GALR1: variants seen among roughly 807,000 people sequenced by gnomAD.
GALR1 encodes the protein galanin receptor type 1.
Under a neutral mutation model 17.9 loss-of-function variants are expected in GALR1, and 11 were observed. The observed-to-expected ratio is 0.62, with a 90% CI of 0.39 to 1.02. GALR1 has a LOEUF of 1.02. GALR1 is among the 50% of genes least tolerant of loss of function. GALR1 has a pLI of 0.01. For synonymous variants in GALR1, 206 were observed against 205.7 expected (o/e 1.00, Z -0.01); for missense variants, 441 against 456.9 (o/e 0.97, Z 0.32).
At position 77,268,570 on chromosome 18, in the gene GALR1, C is replaced by T. The variant is rs1001091488; in HGVS notation, c.733-15C>T. On this transcript the variant is annotated splice_polypyrimidine_tract_variant and intron_variant, in intron 2 of 2. Coordinates refer to ENST00000299727, the MANE Select transcript of GALR1 (RefSeq NM_001480.4). ...TCCTCCTCCTCCTCCTCCTCCTCCT[C>T]TTCTTCTTTTCTAGACTGCACAGAC... is the stretch of plus-strand genomic sequence containing the variant. The T allele has an allele frequency of 2.5e-6, 4 of 1,592,320 alleles. No homozygotes were observed. Among genetic ancestry groups the T allele is most frequent in the African/African-American group, 1.3e-5 (1 of 74,360 alleles).
Position 77,271,824 on chromosome 18 carries a change from A to AGG in GALR1, c.*2922_*2923insGG, listed in dbSNP as rs1913070833. On this transcript the variant is annotated 3_prime_UTR_variant, in exon 3 of 3. Coordinates refer to ENST00000299727, the MANE Select transcript of GALR1 (RefSeq NM_001480.4). Reference sequence around the variant, plus strand: ...CAGGCTTTGGGATATTTAGTAGCTGAAATGCTTGCTGTTTCACATGCATAA... The same window carrying AGG: ...CAGGCTTTGGGATATTTAGTAGCTGAGGAATGCTTGCTGTTTCACATGCATAA... 1.3e-5 allele frequency: 2 copies of AGG among 152,188 alleles called. No homozygotes were observed. 9.4% of individuals were successfully genotyped at this position (152,188 alleles called of 1,614,324 possible).
rs1233394148 is a variant in GALR1 at position 77,258,455 on chromosome 18, ATGATGGTGGTGGTATTGGTGGTGG to A, written c.732+2245_732+2268del. Among the ~76,000 whole-genome samples the A allele has an allele frequency of 2.4e-4, 35 of 148,784 alleles. No homozygotes were observed. The East Asian group carries it at 5.6e-3, about 24-fold the overall frequency. On this transcript the variant is annotated intron_variant, in intron 2 of 2. Coordinates refer to ENST00000299727, the MANE Select transcript of GALR1 (RefSeq NM_001480.4). Reference sequence around the variant, plus strand: ...AATAAATGTGGTGGTGGTGGTGGTGATGATGGTGGTGGTATTGGTGGTGGTGATGGTGGTGGGTGGTAGTGGTGG... The same window carrying A: ...AATAAATGTGGTGGTGGTGGTGGTGATGATGGTGGTGGGTGGTAGTGGTGG...
chr18:77,267,771 C>G (rs927100337), intron 2 of GALR1, among the ~76,000 whole-genome samples: 1 of 152,310 alleles, frequency 6.6e-6, no homozygotes, highest in South Asian at 2.1e-4. Flanking sequence ...ATGTGTGGAA[C>G]AGACGAGGTT....
rs546570409 is a variant in GALR1, at chr18:77,276,243, A to T, written c.*7341A>T. 11 of 152,330 alleles carry T rather than the reference A, an allele frequency of 7.2e-5. No homozygotes were observed. Among genetic ancestry groups the T allele is most frequent in the African/African-American group, 9.6e-5 (4 of 41,588 alleles). The allele number at this position is 152,330 out of a possible 1,614,324, so 9.4% of individuals were successfully genotyped here. ...TTCTATCTGCCTAAGTGAGGAGAGT[A>T]GTTGTGGAGCATTGTAGAAAGGATA... On this transcript the variant is annotated 3_prime_UTR_variant, in exon 3 of 3. Transcript: ENST00000299727.
intron 2 of GALR1, among the ~76,000 whole-genome samples, chr18:77,260,380 A>T (rs1041689241): frequency 4.6e-5 from 7 of 151,928 alleles, no homozygotes; most frequent in African/African-American, 1.7e-4. Flanking sequence ...AAAGGGCACT[A>T]GTCTCTGTGT....
In GALR1 at chr18:77,272,463, T is replaced by C. The variant is rs1256884528; in HGVS notation, c.*3561T>C. 6.6e-6 allele frequency: 1 copy of C among 152,230 alleles called. No individual in the cohort carries two copies. The highest frequency in any genetic ancestry group is 1.5e-5 in the Non-Finnish European group (1 of 68,030). 9.4% of individuals were successfully genotyped at this position (152,230 alleles called of 1,614,324 possible). On this transcript the variant is annotated 3_prime_UTR_variant, in exon 3 of 3. Transcript: ENST00000299727. ...CATTACATTGAGGAAAATAACCTAT[T>C]GGGCAGCTTCATCATGTTCTTGCTT...
Position 77,275,432 on chromosome 18 carries a change from T to C in GALR1, c.*6530T>C, listed in dbSNP as rs1361960857. 1 of 152,218 alleles carries C rather than the reference T, an allele frequency of 6.6e-6. No homozygotes were observed. Among genetic ancestry groups the C allele is most frequent in the African/African-American group, 2.4e-5 (1 of 41,440 alleles). The allele number at this position is 152,218 out of a possible 1,614,324, so 9.4% of individuals were successfully genotyped here. A position where few individuals can be genotyped will look rare whatever the true frequency, so the allele number is the denominator to read the frequency against. ...TTTGAGCAGGTGAATGGAGTTTCTG[T>C]CATTCCTGGTCTAGAGTTCATGTGT... is the stretch of plus-strand genomic sequence containing the variant. On this transcript the variant is annotated 3_prime_UTR_variant, in exon 3 of 3. Transcript: ENST00000299727.
At chr18:77,259,967 G>T (rs1912792411) in intron 2 of GALR1, among the ~76,000 whole-genome samples, 1 of 152,038 alleles carries the variant, frequency 6.6e-6, no homozygotes, top group Non-Finnish European at 1.5e-5. Context: ...ATTGCTACTG[G>T]TGCACACGTG....
intron 2 of GALR1, 80 bp from the exon 3 acceptor site, chr18:77,268,504 TA>T: frequency 1.1e-6 from 1 of 915,456 alleles, no homozygotes; most frequent in Non-Finnish European, 1.7e-6. Context: ...TTTTGTGTTG[TA>T]ATCAATGAAT....
chr18:77,261,228 A>G (rs1037260876), intron 2 of GALR1, among the ~76,000 whole-genome samples: 6 of 152,260 alleles, frequency 3.9e-5, no homozygotes, highest in African/African-American at 1.4e-4. Context: ...AAGTGTAAGA[A>G]GAATTTGTAT....
At position 77,251,054 on chromosome 18, in the gene GALR1, C is replaced by T; in HGVS notation, c.506C>T (p.Pro169Leu). The T allele has an allele frequency of 6.2e-7, 1 of 1,607,826 alleles. No homozygotes were observed. Among genetic ancestry groups the T allele is most frequent in the South Asian group, 1.1e-5 (1 of 91,082 alleles). ...GCGCTGTCCATTGCCATGGCCTCGC[C>T]CGTGGCCTACCACCAGGGCCTCTTC... is the stretch of plus-strand genomic sequence containing the variant. ...IWALSIAMASPVAYHQGLFHP... is the reference protein window; with the variant it reads ...IWALSIAMASLVAYHQGLFHP... The change falls in exon 1 of 3, where the codon CCC becomes CTC. Residue 169 changes from proline to leucine, a missense_variant. Coordinates refer to ENST00000299727, the MANE Select transcript of GALR1 (RefSeq NM_001480.4).
intron 2 of GALR1, among the ~76,000 whole-genome samples, chr18:77,264,581 G>A (rs1912906103): frequency 6.6e-6 from 1 of 152,062 alleles, no homozygotes; most frequent in South Asian, 2.1e-4. Flanking sequence ...AGTGAGGTCT[G>A]GGAAGAGAGT....
chr18:77,251,651 C>T (rs1912420131), intron 1 of GALR1, among the ~76,000 whole-genome samples: 2 of 152,186 alleles, frequency 1.3e-5, no homozygotes, highest in South Asian at 4.1e-4. Context: ...CGCCGCGGCG[C>T]TGTGGGACCT....
chr18:77,270,946 T>A lies in GALR1; in HGVS notation c.*2044T>A, dbSNP rs1003963872. On this transcript the variant is annotated 3_prime_UTR_variant, in exon 3 of 3. Coordinates refer to ENST00000299727, the MANE Select transcript of GALR1 (RefSeq NM_001480.4). ...TGTGATTTGTGGAACTTGAAGTTGC[T>A]GTTGCAAACTCCAGAACAACTTCTT... 1 of 152,234 alleles carries A rather than the reference T, an allele frequency of 6.6e-6. No homozygotes were observed. Among genetic ancestry groups the A allele is most frequent in the Non-Finnish European group, 1.5e-5 (1 of 68,040 alleles). The allele number at this position is 152,234 out of a possible 1,614,324, so 9.4% of individuals were successfully genotyped here. A position where few individuals can be genotyped will look rare whatever the true frequency, so the allele number is the denominator to read the frequency against.
At chr18:77,263,548 C>A (rs544629457) in intron 2 of GALR1, among the ~76,000 whole-genome samples, 4 of 152,240 alleles carry the variant, frequency 2.6e-5, no homozygotes, top group African/African-American at 9.6e-5. Flanking sequence ...TGCTGTCAGT[C>A]CTGGGGTCTT....
chr18:77,270,974 G>A lies in GALR1; in HGVS notation c.*2072G>A, dbSNP rs1913050147. 1 of 152,150 alleles carries A rather than the reference G, an allele frequency of 6.6e-6. No individual in the cohort carries two copies. Among genetic ancestry groups the A allele is most frequent in the South Asian group, 2.1e-4 (1 of 4,826 alleles). The allele number at this position is 152,150 out of a possible 1,614,324, so 9.4% of individuals were successfully genotyped here. On this transcript the variant is annotated 3_prime_UTR_variant, in exon 3 of 3. Coordinates refer to ENST00000299727, the MANE Select transcript of GALR1 (RefSeq NM_001480.4). The stretch of plus-strand genomic sequence containing the variant: ...TGCAAACTCCAGAACAACTTCTTTG[G>A]GTGTGAACTCACAAAACTGTGTAAA...
chr18:77,260,789 C>T (rs1162917321), intron 2 of GALR1, among the ~76,000 whole-genome samples: 1 of 152,176 alleles, frequency 6.6e-6, no homozygotes, highest in Non-Finnish European at 1.5e-5. Flanking sequence ...AGAAATGTTT[C>T]TGGCTCAAAG....
In GALR1 at chr18:77,269,931, C is replaced by T. The variant is rs937853091; in HGVS notation, c.*1029C>T. The T allele has an allele frequency of 6.6e-6, 1 of 152,176 alleles. No individual in the cohort carries two copies. Among genetic ancestry groups the T allele is most frequent in the Non-Finnish European group, 1.5e-5 (1 of 68,036 alleles). The allele number at this position is 152,176 out of a possible 1,614,324, so 9.4% of individuals were successfully genotyped here. ...ATGGGACTGAATATACCTGGGGTAT[C>T]CTATCTTGTACAAATGCATGCTTTT... On this transcript the variant is annotated 3_prime_UTR_variant, in exon 3 of 3. Transcript: ENST00000299727.
intron 1 of GALR1, among the ~76,000 whole-genome samples, chr18:77,255,597 A>G (rs1216165590): frequency 1.3e-5 from 2 of 152,226 alleles, no homozygotes; most frequent in Non-Finnish European, 2.9e-5. Context: ...AGGAGAAAGA[A>G]TATTTTGGCA....
Sources: gnomAD v4.1 joint callset for allele counts (sites outside exome capture counted in the v4.1 genomes callset) on GRCh38, gnomAD v4.1.1 for gene constraint, MANE v1.5 for transcripts, NCBI Gene and HGNC (gene_info 2026-07-23, HGNC 2026-07-21) for gene names.